The following LHFPL3 variants were observed in gnomAD, a reference collection of about 807,000 sequenced individuals.
LHFPL3 encodes the protein LHFPL tetraspan subfamily member 3.
A neutral mutation model predicts 19.3 loss-of-function variants in LHFPL3; 5 were observed. That is an observed-to-expected ratio of 0.26 (90% confidence interval 0.14 to 0.54). The LOEUF (loss-of-function observed/expected upper bound fraction) is 0.54. Ranked by LOEUF, LHFPL3 falls within the 20% of genes least tolerant of loss-of-function variation. The pLI is 0.94. For missense variants in LHFPL3, 249 were observed against 307.4 expected, an observed-to-expected ratio of 0.81 and a Z score of 1.42; for synonymous variants, 133 against 126.2, an observed-to-expected ratio of 1.05 and a Z score of -0.36.
chr7:104,332,139 G>A (rs34608016), intron 1 of LHFPL3, among the ~76,000 whole-genome samples: 34,289 of 150,310 alleles, frequency 0.23, 5,204 homozygotes, highest in East Asian at 0.45. Flanking sequence ...CAAACTATTC[G>A]CTTGTGTATT....
chr7:104,629,834 TCACTTCTGAC>T (rs1313435823), intron 1 of LHFPL3, among the ~76,000 whole-genome samples: 4 of 152,192 alleles, frequency 2.6e-5, no homozygotes, highest in African/African-American at 9.7e-5. Flanking sequence ...TGGATGGGAT[TCACTTCTGAC>T]CACCATACTA....
chr7:104,763,043 G>C (rs1214749412), intron 2 of LHFPL3, among the ~76,000 whole-genome samples: 1 of 152,206 alleles, frequency 6.6e-6, no homozygotes, highest in Non-Finnish European at 1.5e-5. Flanking sequence ...GTAATGACTT[G>C]TTGTTTACTG....
At chr7:104,677,332 A>T (rs1252816125) in intron 1 of LHFPL3, among the ~76,000 whole-genome samples, 1 of 151,584 alleles carries the variant, frequency 6.6e-6, no homozygotes, top group African/African-American at 2.4e-5. Context: ...GGCTATGATC[A>T]TACCACTGTA....
intron 2 of LHFPL3, among the ~76,000 whole-genome samples, chr7:104,751,775 G>A (rs1489898540): frequency 6.6e-6 from 1 of 152,158 alleles, no homozygotes; most frequent in Non-Finnish European, 1.5e-5. Context: ...GGCCTCAACT[G>A]TGAGAGGCTC....
rs1345126167 is a variant in LHFPL3, at chr7:104,648,969, T to A, written c.446-87706T>A. On this transcript the variant is annotated intron_variant, in intron 1 of 2. Coordinates refer to ENST00000424859, the MANE Select transcript of LHFPL3 (RefSeq NM_199000.3). ...AACCATAGGAAGCTCTATGGACACATCCTGGCCTCTAGGTCCTTTATGTTC... is the reference window on the plus strand; with the variant it reads ...AACCATAGGAAGCTCTATGGACACAACCTGGCCTCTAGGTCCTTTATGTTC... Among the ~76,000 whole-genome samples, 5 of 152,200 alleles carry A rather than the reference T, an allele frequency of 3.3e-5. No homozygotes were observed. The East Asian group carries it at 9.6e-4, about 29-fold the overall frequency.
intron 1 of LHFPL3, among the ~76,000 whole-genome samples, chr7:104,548,139 T>G (rs1794605117): frequency 6.6e-6 from 1 of 152,172 alleles, no homozygotes; most frequent in Non-Finnish European, 1.5e-5. Context: ...AAACAAAATA[T>G]GAAGCAAAAT....
At chr7:104,557,213 T>C (rs867906829) in intron 1 of LHFPL3, among the ~76,000 whole-genome samples, 3 of 152,168 alleles carry the variant, frequency 2.0e-5, no homozygotes, top group Non-Finnish European at 2.9e-5. Context: ...CACCCCACTC[T>C]ACTGGTACCA....
chr7:104,376,604 G>A (rs559277865), intron 1 of LHFPL3, among the ~76,000 whole-genome samples: 1 of 152,276 alleles, frequency 6.6e-6, no homozygotes, highest in East Asian at 1.9e-4. Context: ...GTTGTGAAAA[G>A]TTGCATCTTG....
intron 1 of LHFPL3, among the ~76,000 whole-genome samples, chr7:104,614,653 C>CTTCT (rs1554415305): frequency 3.9e-5 from 2 of 51,528 alleles, no homozygotes; most frequent in African/African-American, 1.2e-4. Context: ...CTTCTCTTCT[C>CTTCT]TCCTTCCTTC....
At chr7:104,687,469 G>C (rs577289529) in intron 1 of LHFPL3, among the ~76,000 whole-genome samples, 1 of 152,296 alleles carries the variant, frequency 6.6e-6, no homozygotes, top group African/African-American at 2.4e-5. Flanking sequence ...TGGAGGTAGG[G>C]GGCTGGAGCC....
chr7:104,688,622 C>A (rs1239845382), intron 1 of LHFPL3, among the ~76,000 whole-genome samples: 2 of 152,092 alleles, frequency 1.3e-5, no homozygotes, highest in East Asian at 1.9e-4. Context: ...GCCTTTCCAC[C>A]TTTGTCTGAG....
chr7:104,798,510 G>A (rs551360085), intron 2 of LHFPL3: 50 of 152,252 alleles, frequency 3.3e-4, no homozygotes, highest in South Asian at 1.4e-3. Context: ...ATTGAAATGC[G>A]TATAGAACTA....
intron 1 of LHFPL3, among the ~76,000 whole-genome samples, chr7:104,444,856 C>T (rs149182452): frequency 0.011 from 1,726 of 152,130 alleles, 24 homozygotes; most frequent in African/African-American, 0.039. Context: ...GGTATGATGG[C>T]GCATGTCTGT....
intron 1 of LHFPL3, among the ~76,000 whole-genome samples, chr7:104,563,414 C>T (rs1340061484): frequency 6.6e-6 from 1 of 152,296 alleles, no homozygotes; most frequent in African/African-American, 2.4e-5. Flanking sequence ...GTCGGAAAAG[C>T]ACAGTATTCG....
chr7:104,832,797 C>T (rs555040460), intron 2 of LHFPL3, among the ~76,000 whole-genome samples: 10 of 148,000 alleles, frequency 6.8e-5, no homozygotes, highest in Non-Finnish European at 1.2e-4. Context: ...GCCAACATGA[C>T]GAAACCCTGT....
In LHFPL3 at chr7:104,351,032, T is replaced by G. The variant is rs192329836; in HGVS notation, c.445+21808T>G. Among the ~76,000 whole-genome samples the G allele has an allele frequency of 1.5e-3, 165 of 110,746 alleles. 1 individual carries two copies. The highest frequency in any genetic ancestry group is 5.5e-3 in the African/African-American group (156 of 28,582). The allele number at this position is 110,746 out of a possible 152,430, so 72.7% of individuals were successfully genotyped here. ...TCCAGCCTGGGCAACAGAGCAAGAC[T>G]CCCTCTAAAAAAAAAAAAAAAAAGG... is the stretch of plus-strand genomic sequence containing the variant. On this transcript the variant is annotated intron_variant, in intron 1 of 2. Transcript: ENST00000424859.
chr7:104,334,356 G>A (rs112386250), intron 1 of LHFPL3, among the ~76,000 whole-genome samples: 7,468 of 152,252 alleles, frequency 0.049, 214 homozygotes, highest in Middle Eastern at 0.075. Context: ...AGACTAGCCT[G>A]GCCAACATGG....
chr7:104,672,905 T>C (rs1792513684), intron 1 of LHFPL3, among the ~76,000 whole-genome samples: 1 of 152,114 alleles, frequency 6.6e-6, no homozygotes, highest in Non-Finnish European at 1.5e-5. Flanking sequence ...CTTTTTTTTT[T>C]CTCCACTCAA....
At chr7:104,828,587 G>A (rs928232400) in intron 2 of LHFPL3, among the ~76,000 whole-genome samples, 5 of 151,962 alleles carry the variant, frequency 3.3e-5, no homozygotes, top group Non-Finnish European at 7.3e-5. Flanking sequence ...TTGGGGTGGA[G>A]GAGGAAGGCA....
Sources: gnomAD v4.1 joint callset for allele counts (sites outside exome capture counted in the v4.1 genomes callset) on GRCh38, gnomAD v4.1.1 for gene constraint, MANE v1.5 for transcripts, NCBI Gene and HGNC (gene_info 2026-07-23, HGNC 2026-07-21) for gene names.